Variants in FKBP15 observed in about 807,000 individuals in gnomAD.
FKBP15 encodes the protein FKBP prolyl isomerase family member 15.
FKBP15 carries 106 observed loss-of-function variants against 158.1 expected under a neutral mutation model. That is an observed-to-expected ratio of 0.67 (90% CI 0.57 to 0.79). The LOEUF is 0.79. Among genes scored for constraint, FKBP15 ranks in the 30% least tolerant of loss-of-function variants. FKBP15 has a pLI of 0.00. For synonymous variants in FKBP15, 547 were observed against 548.6 expected, an observed-to-expected ratio of 1.00 and a Z score of 0.04; for missense variants, 1,287 against 1,479.1, an observed-to-expected ratio of 0.87 and a Z score of 2.13.
chr9:113,169,839 T>G lies in FKBP15; in HGVS notation c.2870A>C (p.Gln957Pro), dbSNP rs1830173547. ...KAEERPRRPS[Q>P]EQSASASSGQ... The stretch of plus-strand genomic sequence containing the variant: ...AGAACTGGCTGAGGCTGACTGCTCC[T>G]GGGAAGGTCTTCGTGGCCGCTCTTC... The change falls in exon 26 of 28, where the codon CAG (glutamine) becomes CCG (proline). Residue 957 changes from glutamine (Q) to proline (P), a missense_variant. Gln to Pro is a moderately conservative substitution (Grantham distance 76, BLOSUM62 -1). Coordinates refer to ENST00000238256, the MANE Select transcript of FKBP15 (RefSeq NM_015258.2). 8.3e-6 allele frequency: 13 copies of G among 1,558,272 alleles called. No homozygotes were observed. The highest frequency in any genetic ancestry group is 1.0e-5 in the Non-Finnish European group (12 of 1,150,606).
In FKBP15 at chr9:113,198,936, C is replaced by T. The variant is rs773442349; in HGVS notation, c.649-13G>A. On this transcript the variant is annotated splice_polypyrimidine_tract_variant and intron_variant, in intron 7 of 27. Transcript: ENST00000238256. The surrounding 1 kb of genome is among the most constrained non-coding windows in gnomAD (Gnocchi z 5.2). ...TGGAGTCGAAAACCTGCAATTTGATCGAAGGAAATTAGGCCAGCCAATTTC... is the reference window on the plus strand; with the variant it reads ...TGGAGTCGAAAACCTGCAATTTGATTGAAGGAAATTAGGCCAGCCAATTTC... 24 of 1,586,490 alleles carry T rather than the reference C, an allele frequency of 1.5e-5. No individual in the cohort carries two copies. Among genetic ancestry groups the T allele is most frequent in the East Asian group, 2.3e-5 (1 of 44,162 alleles).
chr9:113,203,066 A>G, intron 4 of FKBP15, 31 bp from the exon 5 acceptor site: 1 of 1,463,516 alleles, frequency 6.8e-7, no homozygotes, highest in East Asian at 2.3e-5. Flanking sequence ...ATAGAAAAAA[A>G]AAAAGAGAGA....
intron 23 of FKBP15, among the ~76,000 whole-genome samples, chr9:113,173,071 A>G (rs1489375368): frequency 6.6e-6 from 1 of 152,154 alleles, no homozygotes; most frequent in African/African-American, 2.4e-5. Context: ...TGGGCCCCAT[A>G]GCACTTAACA....
chr9:113,182,868 C>T lies in FKBP15; in HGVS notation c.1812G>A (p.Arg604=). ...KISELIERNQ[R]YVEQSNLMME... ...TCATCAGGTTACTCTGCTCAACATACCTGTGAAAGAAATAGAGAAAAAGAA... is the reference window on the plus strand; with the variant it reads ...TCATCAGGTTACTCTGCTCAACATATCTGTGAAAGAAATAGAGAAAAAGAA... Residue 604 remains arginine, a splice_region_variant and synonymous_variant, in exon 19 of 28, where the codon AGG becomes AGA. Transcript: ENST00000238256. 6.2e-6 allele frequency: 10 copies of T among 1,612,226 alleles called. No individual in the cohort carries two copies. Among genetic ancestry groups the T allele is most frequent in the Non-Finnish European group, 8.5e-6 (10 of 1,178,370 alleles).
At chr9:113,204,992 A>T (rs28887481) in intron 4 of FKBP15, among the ~76,000 whole-genome samples, 1 of 151,990 alleles carries the variant, frequency 6.6e-6, no homozygotes, top group Non-Finnish European at 1.5e-5. Context: ...TATTAGTTAC[A>T]TTTTCCCACC....
chr9:113,184,447 G>C lies in FKBP15; in HGVS notation c.1609-48C>G. The C allele has an allele frequency of 7.1e-7, 1 of 1,406,642 alleles. No homozygotes were observed. Among genetic ancestry groups the C allele is most frequent in the Non-Finnish European group, 9.9e-7 (1 of 1,013,218 alleles). 87.1% of individuals were successfully genotyped at this position (1,406,642 alleles called of 1,614,324 possible). A position where few individuals can be genotyped will look rare whatever the true frequency, so the allele number is the denominator to read the frequency against. On this transcript the variant is annotated intron_variant, in intron 16 of 27. Transcript: ENST00000238256. This position sits in a 1 kb window ranked among gnomAD's most constrained non-coding sequence, Gnocchi z 4.5. ...ACCTTGTGAGAAATTATAAAATGAA[G>C]AAATACAATTTACCCAAGATTTGAC...
intron 18 of FKBP15, among the ~76,000 whole-genome samples, chr9:113,183,443 G>A (rs1434528361): frequency 1.3e-5 from 2 of 152,092 alleles, no homozygotes; most frequent in Non-Finnish European, 2.9e-5. Context: ...CCAGAGTTCT[G>A]TAAGTAATAA....
At chr9:113,166,457 A>G (rs1830101184) in intron 27 of FKBP15, among the ~76,000 whole-genome samples, 1 of 152,250 alleles carries the variant, frequency 6.6e-6, no homozygotes, top group Admixed American at 6.5e-5. Flanking sequence ...AGTAACTTAC[A>G]CATTTTGTGT....
At chr9:113,179,589 A>C (rs1830357021) in intron 19 of FKBP15, among the ~76,000 whole-genome samples, 1 of 151,306 alleles carries the variant, frequency 6.6e-6, no homozygotes, top group African/African-American at 2.4e-5. Flanking sequence ...TGAACCTGGG[A>C]GGCAGAGGTT....
At chr9:113,207,348 A>ATTTT in intron 2 of FKBP15, 52 bp from the exon 3 acceptor site, 1 of 1,393,624 alleles carries the variant, frequency 7.2e-7, no homozygotes, top group Non-Finnish European at 1.0e-6. Context: ...CTTTAAACTA[A>ATTTT]TTTTTTTTAA....
rs918885782 is a variant in FKBP15 at position 113,164,892 on chromosome 9, A to T, written c.*1186T>A. 3 of 152,266 alleles carry T rather than the reference A, an allele frequency of 2.0e-5. No individual in the cohort carries two copies. The highest frequency in any genetic ancestry group is 1.3e-4 in the Admixed American group (2 of 15,286). The allele number at this position is 152,266 out of a possible 1,614,324, so 9.4% of individuals were successfully genotyped here. A position where few individuals can be genotyped will look rare whatever the true frequency, so the allele number is the denominator to read the frequency against. ...AGCACCGCCTTTTGTTAAGCAACAA[A>T]GAAATAATTAGTTCTCACTGCCTCC... On this transcript the variant is annotated 3_prime_UTR_variant, in exon 28 of 28. Coordinates refer to ENST00000238256, the MANE Select transcript of FKBP15 (RefSeq NM_015258.2).
At chr9:113,180,747 G>A (rs1448697483) in intron 19 of FKBP15, among the ~76,000 whole-genome samples, 2 of 152,138 alleles carry the variant, frequency 1.3e-5, no homozygotes, top group Admixed American at 6.6e-5. Context: ...GTCTGTCCCT[G>A]TAAAATAAAA....
At position 113,169,545 on chromosome 9, in the gene FKBP15, T is replaced by C. The variant is rs766107320; in HGVS notation, c.3164A>G (p.Asp1055Gly). The change falls in exon 26 of 28, where the codon GAC (aspartate) becomes GGC (glycine). Residue 1055 changes from aspartate to glycine, a missense_variant. Coordinates refer to ENST00000238256, the MANE Select transcript of FKBP15 (RefSeq NM_015258.2). Reference protein sequence around the residue: ...PPEPLGPVSMDSECEESLAAS... With the variant: ...PPEPLGPVSMGSECEESLAAS... ...AGCAAGTGACTCCTCACACTCAGAG[T>C]CCATGGATACAGGGCCTAGGGGCTC... is the stretch of plus-strand genomic sequence containing the variant. 2.5e-5 allele frequency: 41 copies of C among 1,613,928 alleles called. No individual in the cohort carries two copies. Among genetic ancestry groups the C allele is most frequent in the Non-Finnish European group, 2.8e-5 (33 of 1,179,880 alleles).
intron 6 of FKBP15, among the ~76,000 whole-genome samples, chr9:113,201,431 G>A (rs966898279): frequency 6.6e-6 from 1 of 152,166 alleles, no homozygotes; most frequent in African/African-American, 2.4e-5. Context: ...AGAAACAAAT[G>A]TTATGGGCTG....
chr9:113,190,390 A>G, intron 12 of FKBP15, 81 bp downstream of exon 12: 1 of 1,177,438 alleles, frequency 8.5e-7, no homozygotes, highest in Non-Finnish European at 1.2e-6. Flanking sequence ...CTTAGAGAAA[A>G]AACAATCACT....
chr9:113,192,450 C>G (rs1830591249), intron 11 of FKBP15, among the ~76,000 whole-genome samples: 3 of 152,152 alleles, frequency 2.0e-5, no homozygotes, highest in Non-Finnish European at 4.4e-5. Flanking sequence ...CTTCACAGAC[C>G]AGGCAGGCCA....
In FKBP15 at chr9:113,203,028, A is replaced by G. The variant is rs1410841900; in HGVS notation, c.332T>C (p.Ile111Thr). ...LGNHTAREYR[I>T]LLYISQQQPV... ...CTGTTGTTGACTGATATAAAGAAGA[A>G]TCCTATACTGTAGACAAGCAACGAC... is the stretch of plus-strand genomic sequence containing the variant. Residue 111 changes from isoleucine to threonine, a missense_variant, in exon 5 of 28, where the codon ATT (isoleucine) becomes ACT (threonine). Transcript: ENST00000238256. The G allele has an allele frequency of 6.2e-7, 1 of 1,610,232 alleles. No individual in the cohort carries two copies. The highest frequency in any genetic ancestry group is 1.3e-5 in the African/African-American group (1 of 74,680).
intron 11 of FKBP15, among the ~76,000 whole-genome samples, chr9:113,192,856 C>T (rs1349188228): frequency 6.6e-6 from 1 of 152,048 alleles, no homozygotes; most frequent in African/African-American, 2.4e-5. Context: ...TAGAAGAGAC[C>T]GTCTAGGATT....
At chr9:113,197,164 T>C (rs1830703086) in intron 8 of FKBP15, 86 bp from the exon 9 acceptor site, 1 of 1,519,928 alleles carries the variant, frequency 6.6e-7, no homozygotes, top group South Asian at 1.2e-5. Context: ...GTTTCACTTA[T>C]CCACACTTTC....
Sources: gnomAD v4.1 joint callset for allele counts (sites outside exome capture counted in the v4.1 genomes callset) on GRCh38, gnomAD v4.1.1 for gene constraint, Gnocchi (gnomAD v3.1) non-coding constraint, MANE v1.5 for transcripts, NCBI Gene and HGNC (gene_info 2026-07-23, HGNC 2026-07-21) for gene names.